Variants in PIP5K1B observed in about 807,000 individuals in gnomAD.
PIP5K1B encodes the protein phosphatidylinositol 4-phosphate 5-kinase type-1 beta.
A neutral mutation model predicts 67.0 loss-of-function variants in PIP5K1B; 42 were observed. That is an observed-to-expected ratio of 0.63 (90% CI 0.49 to 0.81). The LOEUF is 0.81. Ranked by LOEUF, PIP5K1B falls within the 30% of genes least tolerant of loss-of-function variation. The pLI is 0.00. For synonymous variants in PIP5K1B, 214 were observed against 231.4 expected, an observed-to-expected ratio of 0.92 and a Z score of 0.68; for missense variants, 459 against 646.3, an observed-to-expected ratio of 0.71 and a Z score of 3.14.
chr9:68,939,035 A>T (rs190262832), intron 13 of PIP5K1B, among the ~76,000 whole-genome samples: 1 of 152,218 alleles, frequency 6.6e-6, no homozygotes. Context: ...CCCTTTTGCT[A>T]GGTCACATCA....
At chr9:68,933,099 C>CAAA (rs200948074) in intron 12 of PIP5K1B, among the ~76,000 whole-genome samples, 61 of 98,108 alleles carry the variant, frequency 6.2e-4, no homozygotes, top group African/African-American at 2.1e-3. Context: ...AACTCCGTCT[C>CAAA]AAAAAAAAAA....
At chr9:68,945,439 C>T (rs1426416680) in intron 14 of PIP5K1B, among the ~76,000 whole-genome samples, 3 of 152,212 alleles carry the variant, frequency 2.0e-5, no homozygotes, top group Non-Finnish European at 4.4e-5. Flanking sequence ...AGCCACCGCA[C>T]CCAGCCAATG....
rs146195077 is a variant in PIP5K1B, at chr9:68,823,163, A to G, written c.69+480A>G. ...TAATAAAAATTAATATTCTTTATCT[A>G]AAAGGTCAGCTGATTAGCAACGTTA... is the stretch of plus-strand genomic sequence containing the variant. On this transcript the variant is annotated intron_variant, in intron 4 of 15. Transcript: ENST00000265382. Among the ~76,000 whole-genome samples the G allele has an allele frequency of 2.1e-3, 316 of 152,326 alleles. 2 individuals are homozygous for G. The highest frequency in any genetic ancestry group is 7.2e-3 in the African/African-American group (301 of 41,588).
chr9:68,876,085 A>G (rs1215951035), intron 5 of PIP5K1B, among the ~76,000 whole-genome samples: 1 of 152,202 alleles, frequency 6.6e-6, no homozygotes, highest in Non-Finnish European at 1.5e-5. Context: ...TTCAAAATGA[A>G]CCCAGAAAAA....
chr9:68,897,594 G>A (rs1825153414), intron 8 of PIP5K1B, among the ~76,000 whole-genome samples: 1 of 152,210 alleles, frequency 6.6e-6, no homozygotes, highest in South Asian at 2.1e-4. Flanking sequence ...TTAATAGGGA[G>A]AGCATGTGGG....
intron 4 of PIP5K1B, among the ~76,000 whole-genome samples, chr9:68,825,807 CA>C (rs1833948920): frequency 6.6e-6 from 1 of 152,226 alleles, no homozygotes; most frequent in African/African-American, 2.4e-5. Flanking sequence ...GGGAAGAAAC[CA>C]ATGTTGTTAG....
intron 15 of PIP5K1B, among the ~76,000 whole-genome samples, chr9:69,004,645 A>G (rs1460654159): frequency 6.6e-6 from 1 of 152,192 alleles, no homozygotes; most frequent in African/African-American, 2.4e-5. Context: ...TGAAGAGTCC[A>G]TCTGCGTGCT....
intron 4 of PIP5K1B, among the ~76,000 whole-genome samples, chr9:68,858,725 C>T (rs1822908842): frequency 6.6e-6 from 1 of 152,166 alleles, no homozygotes; most frequent in African/African-American, 2.4e-5. Context: ...TCTATATTGG[C>T]CATAATCCCA....
At chr9:68,998,558 G>T (rs1830690244) in intron 15 of PIP5K1B, among the ~76,000 whole-genome samples, 1 of 152,022 alleles carries the variant, frequency 6.6e-6, no homozygotes, top group Non-Finnish European at 1.5e-5. Flanking sequence ...GCCAGTGTTT[G>T]CCATTTTCTG....
intron 15 of PIP5K1B, among the ~76,000 whole-genome samples, chr9:69,004,837 T>A (rs2133044051): frequency 6.6e-6 from 1 of 152,320 alleles, no homozygotes; most frequent in Non-Finnish European, 1.5e-5. Context: ...AAGGAAGGAA[T>A]AATAAAATGG....
At position 68,888,964 on chromosome 9, in the gene PIP5K1B, T is replaced by G; in HGVS notation, c.319-17T>G. The stretch of plus-strand genomic sequence containing the variant: ...CATCAAGTATATGTTTTAATGTTTA[T>G]TCATTTACCCTTTTAGTATTCCATC... On this transcript the variant is annotated splice_polypyrimidine_tract_variant and intron_variant, in intron 6 of 15. Transcript: ENST00000265382. 1 of 1,570,634 alleles carries G rather than the reference T, an allele frequency of 6.4e-7. No individual in the cohort carries two copies. The highest frequency in any genetic ancestry group is 1.1e-5 in the South Asian group (1 of 89,834).
intron 14 of PIP5K1B, among the ~76,000 whole-genome samples, chr9:68,972,738 A>G (rs1482123213): frequency 2.0e-5 from 3 of 152,196 alleles, no homozygotes; most frequent in Non-Finnish European, 4.4e-5. Flanking sequence ...CTTTACTTGT[A>G]CACAACTCCT....
chr9:68,761,668 G>A (rs1419359789), intron 2 of PIP5K1B, among the ~76,000 whole-genome samples: 9 of 152,136 alleles, frequency 5.9e-5, no homozygotes, highest in Non-Finnish European at 7.4e-5. Flanking sequence ...GCCTCCTTCC[G>A]TCTTCAAAGC....
At chr9:68,877,081 A>G (rs1427981420) in intron 6 of PIP5K1B, among the ~76,000 whole-genome samples, 3 of 152,192 alleles carry the variant, frequency 2.0e-5, no homozygotes, top group African/African-American at 7.2e-5. Flanking sequence ...AATTAGTTCT[A>G]AATACTCCTG....
chr9:68,961,707 C>G (rs1370495770), intron 14 of PIP5K1B, among the ~76,000 whole-genome samples: 1 of 152,036 alleles, frequency 6.6e-6, no homozygotes, highest in Non-Finnish European at 1.5e-5. Context: ...GGGAAGAGAC[C>G]GTCTCTGAAT....
intron 1 of PIP5K1B, among the ~76,000 whole-genome samples, chr9:68,711,764 G>A (rs903336299): frequency 2.6e-5 from 4 of 152,008 alleles, no homozygotes; most frequent in Admixed American, 6.5e-5. Context: ...ATCTTCTTTA[G>A]GAGAAAAATA....
At chr9:68,783,284 CT>C (rs1489857922) in intron 2 of PIP5K1B, 2 of 166,822 alleles carry the variant, frequency 1.2e-5, no homozygotes, top group African/African-American at 4.8e-5. Context: ...ATCTTTCCTT[CT>C]TATTCTGCAA....
intron 4 of PIP5K1B, among the ~76,000 whole-genome samples, chr9:68,828,576 C>T (rs768626208): frequency 1.6e-4 from 25 of 152,174 alleles, no homozygotes; most frequent in South Asian, 2.1e-4. Context: ...AGTACCTGAC[C>T]GTGACCACAT....
intron 4 of PIP5K1B, among the ~76,000 whole-genome samples, chr9:68,843,638 C>T (rs1822035361): frequency 1.3e-5 from 2 of 152,314 alleles, no homozygotes; most frequent in East Asian, 1.9e-4. Flanking sequence ...CAGGCAGCCC[C>T]GGTTGGTGGT....
Sources: gnomAD v4.1 joint callset for allele counts (sites outside exome capture counted in the v4.1 genomes callset) on GRCh38, gnomAD v4.1.1 for gene constraint, MANE v1.5 for transcripts, NCBI Gene and HGNC (gene_info 2026-07-23, HGNC 2026-07-21) for gene names.